Variants in ZFHX3 observed in about 807,000 individuals in gnomAD.
ZFHX3 encodes zinc finger homeobox protein 3.
Under a neutral mutation model 279.1 loss-of-function variants are expected in ZFHX3, and 42 were observed. That is an observed-to-expected ratio of 0.15 (90% CI 0.12 to 0.19). The LOEUF (loss-of-function observed/expected upper bound fraction) is 0.19, where lower values mean the gene tolerates loss of function less well. ZFHX3 is among the 10% of genes least tolerant of loss of function. The probability of loss-of-function intolerance (pLI) is 1.00; values close to 1 mark genes in which losing one functional copy is unlikely to be tolerated. For missense variants in ZFHX3, 4,981 were observed against 4,754.0 expected, an observed-to-expected ratio of 1.05 and a Z score of -1.40; for synonymous variants, 2,293 against 1,957.8, an observed-to-expected ratio of 1.17 and a Z score of -4.52.
chr16:72,864,418 A>T (rs888297294), intron 4 of ZFHX3, among the ~76,000 whole-genome samples: 7 of 152,156 alleles, frequency 4.6e-5, no homozygotes, highest in Non-Finnish European at 1.0e-4. Context: ...ATTCAGTAGC[A>T]ACTCAGAGCG....
At chr16:73,359,029 T>G (rs946640675) in intron 3 of ZFHX3, among the ~76,000 whole-genome samples, 2 of 152,178 alleles carry the variant, frequency 1.3e-5, no homozygotes, top group African/African-American at 4.8e-5. Flanking sequence ...ATGAGGATGA[T>G]AAGAGAGGGT....
intron 1 of ZFHX3, among the ~76,000 whole-genome samples, chr16:73,776,871 A>G (rs893668152): frequency 6.6e-6 from 1 of 152,122 alleles, no homozygotes; most frequent in Non-Finnish European, 1.5e-5. Context: ...CATATAAGCA[A>G]TCAGTACGGC....
At chr16:73,876,316 C>A (rs1396974314) in intron 1 of ZFHX3, among the ~76,000 whole-genome samples, 2 of 152,166 alleles carry the variant, frequency 1.3e-5, no homozygotes, top group African/African-American at 4.8e-5. Context: ...TGGAAAAACA[C>A]GTAAGTTTTA....
At chr16:73,425,434 G>A (rs998812127) in intron 3 of ZFHX3, among the ~76,000 whole-genome samples, 22 of 152,046 alleles carry the variant, frequency 1.4e-4, no homozygotes, top group African/African-American at 5.1e-4. Flanking sequence ...TCATATAATC[G>A]TCACAATTCT....
intron 1 of ZFHX3, among the ~76,000 whole-genome samples, chr16:73,808,195 A>G (rs1960335629): frequency 6.6e-6 from 1 of 152,176 alleles, no homozygotes; most frequent in Non-Finnish European, 1.5e-5. Flanking sequence ...AAAAGGTTAA[A>G]ACCATCGATG....
intron 2 of ZFHX3, among the ~76,000 whole-genome samples, chr16:73,646,675 A>C (rs533015768): frequency 6.6e-6 from 1 of 152,236 alleles, no homozygotes; most frequent in South Asian, 2.1e-4. Context: ...TGAAAGAAGT[A>C]GCTTGTGCAA....
intron 1 of ZFHX3, among the ~76,000 whole-genome samples, chr16:73,888,108 A>C (rs775270528): frequency 6.6e-6 from 1 of 152,160 alleles, no homozygotes; most frequent in Non-Finnish European, 1.5e-5. Context: ...GCAAGCTATA[A>C]AGCTCAAATG....
intron 2 of ZFHX3, among the ~76,000 whole-genome samples, chr16:73,643,418 C>A (rs1205927467): frequency 6.6e-6 from 1 of 152,172 alleles, no homozygotes; most frequent in East Asian, 1.9e-4. Context: ...AAGACAACCA[C>A]CAATTTAATA....
At chr16:73,534,270 T>G (rs1392291831) in intron 2 of ZFHX3, among the ~76,000 whole-genome samples, 1 of 152,214 alleles carries the variant, frequency 6.6e-6, no homozygotes, top group East Asian at 1.9e-4. Flanking sequence ...CTCCCTGGAA[T>G]GCTCTTCTCC....
At chr16:73,675,109 C>A (rs2052941524) in intron 2 of ZFHX3, among the ~76,000 whole-genome samples, 1 of 152,140 alleles carries the variant, frequency 6.6e-6, no homozygotes, top group East Asian at 1.9e-4. Flanking sequence ...CCTCCTTATA[C>A]TTGAAAGTAA....
chr16:73,538,019 A>G (rs1215736556), intron 2 of ZFHX3, among the ~76,000 whole-genome samples: 3 of 152,172 alleles, frequency 2.0e-5, no homozygotes, highest in Non-Finnish European at 4.4e-5. Context: ...CTGACTGGTC[A>G]TTTTTGCATT....
chr16:73,055,721 C>CAT (rs1328818188), intron 1 of ZFHX3, among the ~76,000 whole-genome samples: 1 of 142,616 alleles, frequency 7.0e-6, no homozygotes, highest in African/African-American at 2.5e-5. Flanking sequence ...CACACACACA[C>CAT]ATACACACAC....
At chr16:73,297,172 G>C (rs60580210) in intron 4 of ZFHX3, among the ~76,000 whole-genome samples, 16,240 of 151,862 alleles carry the variant, frequency 0.11, 2,788 homozygotes, top group African/African-American at 0.35. Flanking sequence ...CCACTGCGCC[G>C]AGCCAGCAGG....
chr16:73,429,817 C>A (rs1289367011), intron 3 of ZFHX3, among the ~76,000 whole-genome samples: 2 of 152,144 alleles, frequency 1.3e-5, no homozygotes, highest in African/African-American at 2.4e-5. Context: ...GAAAACCATC[C>A]TCGCTCCCCC....
intron 1 of ZFHX3, among the ~76,000 whole-genome samples, chr16:73,772,437 C>T (rs2054028711): frequency 6.6e-6 from 1 of 152,194 alleles, no homozygotes; most frequent in African/African-American, 2.4e-5. Flanking sequence ...ATGGGAAAGG[C>T]CTGCCCCCAT....
At chr16:73,876,943 G>T (rs1159673130) in intron 1 of ZFHX3, among the ~76,000 whole-genome samples, 1 of 151,596 alleles carries the variant, frequency 6.6e-6, no homozygotes, top group South Asian at 2.1e-4. Flanking sequence ...CTTAAATATT[G>T]TGAAGCCAAT....
intron 1 of ZFHX3, among the ~76,000 whole-genome samples, chr16:72,978,523 G>A (rs1210196216): frequency 1.3e-5 from 2 of 152,076 alleles, no homozygotes; most frequent in Non-Finnish European, 2.9e-5. Context: ...CCGAGGTCTC[G>A]CCTTCCTCTG....
chr16:73,332,940 C>T (rs1178204432), intron 3 of ZFHX3, among the ~76,000 whole-genome samples: 1 of 152,132 alleles, frequency 6.6e-6, no homozygotes, highest in Non-Finnish European at 1.5e-5. Context: ...TTCCCTCTTT[C>T]CTTTCTTTTT....
rs186587740 is a variant in ZFHX3 at position 73,420,461 on chromosome 16, G to A, written c.-1291+35542C>T. ...TCACCACTGCAGGGAAGGCGGCGTC[G>A]CTGGCATTATCGGGTAGATGCCAGG... On this transcript the variant is annotated intron_variant, in intron 3 of 17. Transcript: ENST00000641206. Among the ~76,000 whole-genome samples, 157 of 152,240 alleles carry A rather than the reference G, an allele frequency of 1.0e-3. 4 individuals are homozygous for A. The South Asian group carries it at 0.015, about 15-fold the overall frequency.
Sources: allele counts gnomAD v4.1 joint callset (sites outside exome capture counted in the v4.1 genomes callset), GRCh38; gene constraint gnomAD v4.1.1; transcripts MANE v1.5; gene names NCBI Gene and HGNC (gene_info 2026-07-23, HGNC 2026-07-21).